Variants in KCNH1 observed in about 807,000 individuals in gnomAD.
KCNH1 encodes the protein voltage-gated delayed rectifier potassium channel KCNH1.
KCNH1 carries 27 observed loss-of-function variants against 69.2 expected under a neutral mutation model. That is an observed-to-expected ratio of 0.39 (90% CI 0.29 to 0.54). The LOEUF is 0.54. KCNH1 is among the 20% of genes least tolerant of loss of function. The probability of loss-of-function intolerance (pLI) is 0.68; values close to 1 mark genes in which losing one functional copy is unlikely to be tolerated. For missense variants in KCNH1, 798 were observed against 1,261.6 expected, an observed-to-expected ratio of 0.63 and a Z score of 5.57; for synonymous variants, 456 against 487.7, an observed-to-expected ratio of 0.93 and a Z score of 0.86.
At chr1:211,047,612 A>T in intron 5 of KCNH1, among the ~76,000 whole-genome samples, 1 of 152,208 alleles carries the variant, frequency 6.6e-6, no homozygotes, top group East Asian at 1.9e-4. Context: ...TGAAAAATGA[A>T]GCTAATACCA....
intron 6 of KCNH1, among the ~76,000 whole-genome samples, chr1:210,997,316 A>T (rs1419401050): frequency 1.3e-5 from 2 of 152,218 alleles, no homozygotes; most frequent in African/African-American, 4.8e-5. Context: ...GAAGTCCTTA[A>T]AGGAGCTGAT....
chr1:210,824,729 C>T (rs1685001305), intron 7 of KCNH1, among the ~76,000 whole-genome samples: 1 of 152,148 alleles, frequency 6.6e-6, no homozygotes, highest in Non-Finnish European at 1.5e-5. Context: ...TAGAATTTAA[C>T]AAGTGATAAT....
chr1:210,922,399 A>AAAC (rs1687480754), intron 6 of KCNH1, among the ~76,000 whole-genome samples: 1 of 20,924 alleles, frequency 4.8e-5, no homozygotes, highest in African/African-American at 3.6e-4. Flanking sequence ...AAAAAAAAAA[A>AAAC]AAAAAAAAAA....
At chr1:210,692,074 A>G (rs1681539864) in intron 10 of KCNH1, among the ~76,000 whole-genome samples, 1 of 152,174 alleles carries the variant, frequency 6.6e-6, no homozygotes, top group Admixed American at 6.5e-5. Context: ...GCACACTGCT[A>G]ACAGGCAGGC....
intron 1 of KCNH1, among the ~76,000 whole-genome samples, chr1:211,110,117 G>A (rs1166480356): frequency 1.3e-5 from 2 of 151,390 alleles, no homozygotes; most frequent in East Asian, 3.9e-4. Flanking sequence ...AAAGGCCAGA[G>A]GACATTCTCT....
chr1:210,839,007 C>G (rs577789057), intron 7 of KCNH1, among the ~76,000 whole-genome samples: 28 of 152,152 alleles, frequency 1.8e-4, no homozygotes, highest in Admixed American at 1.8e-3. Context: ...GTGGAGATTC[C>G]TCAAAGACCT....
At chr1:211,127,546 T>C (rs191248924) in intron 1 of KCNH1, among the ~76,000 whole-genome samples, 1 of 152,294 alleles carries the variant, frequency 6.6e-6, no homozygotes, top group East Asian at 1.9e-4. Context: ...GAGAGAATAC[T>C]TCAACCCACA....
intron 10 of KCNH1, among the ~76,000 whole-genome samples, chr1:210,693,694 GCATCATCTTA>G (rs1047651471): frequency 6.6e-6 from 1 of 152,162 alleles, no homozygotes; most frequent in Non-Finnish European, 1.5e-5. Context: ...ATGAAGACTG[GCATCATCTTA>G]CATCATCTTA....
At chr1:210,783,324 T>C (rs1684028017) in intron 9 of KCNH1, among the ~76,000 whole-genome samples, 1 of 152,140 alleles carries the variant, frequency 6.6e-6, no homozygotes, top group Non-Finnish European at 1.5e-5. Context: ...GGCATAATGC[T>C]AGGTGATGGA....
At chr1:210,799,211 T>C (rs1216945420) in intron 8 of KCNH1, among the ~76,000 whole-genome samples, 1 of 152,192 alleles carries the variant, frequency 6.6e-6, no homozygotes, top group Non-Finnish European at 1.5e-5. Context: ...ACAAACTGTA[T>C]GATATAAGTG....
intron 6 of KCNH1, among the ~76,000 whole-genome samples, chr1:210,966,037 TA>T (rs1688393453): frequency 6.6e-6 from 1 of 152,028 alleles, no homozygotes; most frequent in Non-Finnish European, 1.5e-5. Flanking sequence ...AAAACAGATA[TA>T]CAGACCAATG....
At chr1:210,737,024 T>A (rs1422112007) in intron 10 of KCNH1, among the ~76,000 whole-genome samples, 1 of 152,212 alleles carries the variant, frequency 6.6e-6, no homozygotes, top group Admixed American at 6.5e-5. Context: ...AGCTGCTTTC[T>A]GGTAAAGGAA....
In KCNH1 at chr1:211,031,534, G is replaced by T. The variant is rs368966163; in HGVS notation, c.559-12278C>A. On this transcript the variant is annotated intron_variant, in intron 5 of 10. Transcript: ENST00000271751. ...ACTGAATCCAGCAGCACATCAAAAA[G>T]CTTATCCATGATCATGATCATGAAA... is the stretch of plus-strand genomic sequence containing the variant. Among the ~76,000 whole-genome samples the T allele has an allele frequency of 2.0e-4, 31 of 152,190 alleles. No homozygotes were observed. The East Asian group carries it at 5.6e-3, about 28-fold the overall frequency.
intron 6 of KCNH1, among the ~76,000 whole-genome samples, chr1:211,017,615 A>C (rs1044555495): frequency 1.3e-5 from 2 of 152,216 alleles, no homozygotes; most frequent in African/African-American, 4.8e-5. Flanking sequence ...AAACTAGATA[A>C]GAATCTGACA....
At chr1:210,857,184 CTG>C (rs973668779) in intron 7 of KCNH1, among the ~76,000 whole-genome samples, 2 of 151,964 alleles carry the variant, frequency 1.3e-5, no homozygotes, top group African/African-American at 4.8e-5. Context: ...CAACAGGTTA[CTG>C]TTCACACCAG....
intron 7 of KCNH1, among the ~76,000 whole-genome samples, chr1:210,908,391 C>T (rs1687158971): frequency 6.6e-6 from 1 of 152,194 alleles, no homozygotes; most frequent in Non-Finnish European, 1.5e-5. Context: ...CCAAGGCTGC[C>T]AGCGCCTGCA....
Position 210,727,030 on chromosome 1 carries a change from A to C in KCNH1, c.2113-42892T>G, listed in dbSNP as rs116507465. Reference sequence around the variant, plus strand: ...GCTGACCCTACTTGGGCATGGGTTAAAAAGTCAACAATTGCTAATGATGAT... The same window carrying C: ...GCTGACCCTACTTGGGCATGGGTTACAAAGTCAACAATTGCTAATGATGAT... On this transcript the variant is annotated intron_variant, in intron 10 of 10. Transcript: ENST00000271751. Among the ~76,000 whole-genome samples the C allele has an allele frequency of 2.2e-3, 341 of 152,314 alleles. 1 individual carries two copies. The highest frequency in any genetic ancestry group is 8.0e-3 in the African/African-American group (331 of 41,574).
At chr1:210,925,958 A>G (rs1190345794) in intron 6 of KCNH1, among the ~76,000 whole-genome samples, 1 of 152,186 alleles carries the variant, frequency 6.6e-6, no homozygotes, top group Non-Finnish European at 1.5e-5. Flanking sequence ...GAGGCCAACC[A>G]ACACAAAAAC....
At chr1:210,871,795 C>A (rs1686254451) in intron 7 of KCNH1, among the ~76,000 whole-genome samples, 1 of 149,404 alleles carries the variant, frequency 6.7e-6, no homozygotes. Flanking sequence ...AGTAAACTAT[C>A]GCAAGAACAA....
Sources: allele counts gnomAD v4.1 joint callset (sites outside exome capture counted in the v4.1 genomes callset), GRCh38; gene constraint gnomAD v4.1.1; transcripts MANE v1.5; gene names NCBI Gene and HGNC (gene_info 2026-07-23, HGNC 2026-07-21).